The following PTPRA variants were observed in gnomAD, a reference collection of about 807,000 sequenced individuals.
PTPRA encodes protein tyrosine phosphatase receptor type A.
In PTPRA, 25 loss-of-function variants were observed where a neutral mutation model predicts 104.8. The ratio of observed to expected loss-of-function variants is 0.24; its 90% CI spans 0.17 to 0.33. The LOEUF (loss-of-function observed/expected upper bound fraction) is 0.33, where lower values mean the gene tolerates loss of function less well. Among genes scored for constraint, PTPRA ranks in the 10% least tolerant of loss-of-function variants. The pLI, the probability that PTPRA is intolerant of heterozygous loss-of-function variation, is 1.00. For synonymous variants in PTPRA, 323 were observed against 368.9 expected (o/e 0.88, Z 1.43); for missense variants, 765 against 1,015.3 (o/e 0.75, Z 3.35).
chr20:2,883,699 G>C (rs964269102), intron 1 of PTPRA, among the ~76,000 whole-genome samples: 1 of 150,196 alleles, frequency 6.7e-6, no homozygotes, highest in Non-Finnish European at 1.5e-5. Context: ...TGCAATGGTA[G>C]AGCGTTTTCC....
chr20:2,911,533 A>C (rs1426113513), intron 1 of PTPRA, among the ~76,000 whole-genome samples: 1 of 152,202 alleles, frequency 6.6e-6, no homozygotes, highest in Non-Finnish European at 1.5e-5. Flanking sequence ...TTGGCTTAAA[A>C]TATTGGAATG....
chr20:2,981,681 C>T (rs1396136667), intron 6 of PTPRA, among the ~76,000 whole-genome samples: 1 of 152,174 alleles, frequency 6.6e-6, no homozygotes, highest in East Asian at 1.9e-4. Context: ...AGATGGGAAG[C>T]CCCGCTTGTC....
chr20:2,872,053 A>G (rs1049421415), upstream of PTPRA, among the ~76,000 whole-genome samples: 4 of 152,198 alleles, frequency 2.6e-5, no homozygotes, highest in African/African-American at 9.7e-5. This position sits in a 1 kb window ranked among gnomAD's most constrained non-coding sequence, Gnocchi z 7.9. Flanking sequence ...TGGGGCACAG[A>G]GTCCCTAACT....
chr20:3,007,172 G>A (rs555894072), intron 10 of PTPRA, among the ~76,000 whole-genome samples, 172 bp from the exon 11 acceptor site: 65 of 152,112 alleles, frequency 4.3e-4, no homozygotes, highest in African/African-American at 1.5e-3. Context: ...GATACTTAAG[G>A]TATTCCCAAT....
rs573717889 is a variant in PTPRA at position 2,897,342 on chromosome 20, A to T, written c.-129+23582A>T. Reference sequence around the variant, plus strand: ...ATAGTGGTTGCTAGATGGTAAATTTAAAAAATTTCATTATTTCTTCTGAAT... The same window carrying T: ...ATAGTGGTTGCTAGATGGTAAATTTTAAAAATTTCATTATTTCTTCTGAAT... On this transcript the variant is annotated intron_variant, in intron 1 of 23. Transcript: ENST00000399903. Among the ~76,000 whole-genome samples the T allele has an allele frequency of 6.6e-5, 10 of 151,824 alleles. No individual in the cohort carries two copies. In the South Asian group the frequency reaches 1.7e-3, roughly 25 times the overall value.
intron 1 of PTPRA, among the ~76,000 whole-genome samples, chr20:2,909,110 G>T (rs1308030843): frequency 6.6e-6 from 1 of 152,098 alleles, no homozygotes; most frequent in African/African-American, 2.4e-5. Context: ...ATAATAACAT[G>T]TAAGTACCAT....
chr20:3,035,649 T>C lies in PTPRA; in HGVS notation c.1985T>C (p.Leu662Pro). The C allele has an allele frequency of 6.2e-7, 1 of 1,614,076 alleles. No individual in the cohort carries two copies. Among genetic ancestry groups the C allele is most frequent in the Non-Finnish European group, 8.5e-7 (1 of 1,179,964 alleles). ...TCCTATGGAGATATTACAGTGGAAC[T>C]GAAGAAGGAGGAGGAATGTGAGAGC... ...LVSYGDITVELKKEEECESYT... is the reference protein window; with the variant it reads ...LVSYGDITVEPKKEEECESYT... Residue 662 changes from leucine (L) to proline (P), a missense_variant, in exon 21 of 24, where the codon CTG becomes CCG. Leu to Pro is a moderately conservative substitution (Grantham distance 98). Coordinates refer to ENST00000399903, the MANE Select transcript of PTPRA (RefSeq NM_001385305.1). This position sits in a 1 kb window ranked among gnomAD's most constrained non-coding sequence, Gnocchi z 5.8.
At chr20:2,931,117 A>G (rs1367049432) in intron 2 of PTPRA, among the ~76,000 whole-genome samples, 1 of 152,106 alleles carries the variant, frequency 6.6e-6, no homozygotes, top group African/African-American at 2.4e-5. Flanking sequence ...CTCCCACTCA[A>G]GATATCCCAA....
At chr20:2,958,844 CAAAAAAAA>C (rs528139524) in intron 3 of PTPRA, among the ~76,000 whole-genome samples, 2 of 46,854 alleles carry the variant, frequency 4.3e-5, no homozygotes, top group Non-Finnish European at 4.4e-5. Context: ...GAGACTGTAT[CAAAAAAAA>C]AAAAAAAAAA....
chr20:3,003,238 TGTATCTAGCCCA>T (rs888116401), intron 9 of PTPRA, among the ~76,000 whole-genome samples: 18 of 152,366 alleles, frequency 1.2e-4, no homozygotes, highest in African/African-American at 4.3e-4. Flanking sequence ...CTCTTTGCTC[TGTATCTAGCCCA>T]GTGCCTGGTA....
At chr20:2,977,132 C>T (rs527641034) in intron 6 of PTPRA, among the ~76,000 whole-genome samples, 10 of 151,808 alleles carry the variant, frequency 6.6e-5, no homozygotes, top group South Asian at 6.3e-4. Context: ...AAAAATTAGC[C>T]GGGCGTGGTG....
chr20:2,951,123 G>C lies in PTPRA; in HGVS notation c.-7+3099G>C, dbSNP rs1376933415. Among the ~76,000 whole-genome samples the C allele has an allele frequency of 1.3e-5, 2 of 151,026 alleles. 1 individual carries two copies. The highest frequency in any genetic ancestry group is 1.3e-4 in the Admixed American group (2 of 15,164). ...TTCTTTCTTTCTTTTTTTTTTAGAC[G>C]GAGTCTCGCTTTGTCACCCAGGCTA... is the stretch of plus-strand genomic sequence containing the variant. On this transcript the variant is annotated intron_variant, in intron 3 of 23. Transcript: ENST00000399903.
At chr20:2,866,749 C>A in the PTPRA span, 1 of 972,700 alleles carries the variant, frequency 1.0e-6, no homozygotes, top group Non-Finnish European at 1.5e-6. Context: ...TTGTCTTACA[C>A]AGTCCAGCCT....
chr20:3,015,018 G>A (rs1455170500), intron 11 of PTPRA, among the ~76,000 whole-genome samples: 1 of 152,186 alleles, frequency 6.6e-6, no homozygotes, highest in African/African-American at 2.4e-5. Flanking sequence ...CCCACTGCCT[G>A]TGATAGAGAA....
chr20:2,925,969 G>A (rs1337751997), intron 2 of PTPRA, among the ~76,000 whole-genome samples: 1 of 152,110 alleles, frequency 6.6e-6, no homozygotes, highest in Non-Finnish European at 1.5e-5. Flanking sequence ...TCACCATGCT[G>A]TTTTTCACAG....
intron 3 of PTPRA, among the ~76,000 whole-genome samples, chr20:2,948,387 T>A (rs1337238774): frequency 6.6e-6 from 1 of 152,206 alleles, no homozygotes; most frequent in East Asian, 1.9e-4. Context: ...GTCTCTAGTA[T>A]CTGCTTTAGT....
At chr20:2,947,815 A>C (rs979351350) in intron 2 of PTPRA, among the ~76,000 whole-genome samples, 167 bp from the exon 3 acceptor site, 1 of 152,226 alleles carries the variant, frequency 6.6e-6, no homozygotes, top group East Asian at 1.9e-4. Flanking sequence ...GGTGACTTGC[A>C]GCCTAATTTT....
At chr20:3,004,659 T>G (rs917055677) in intron 9 of PTPRA, among the ~76,000 whole-genome samples, 1 of 152,208 alleles carries the variant, frequency 6.6e-6, no homozygotes, top group East Asian at 1.9e-4. Context: ...CTGAGATGCA[T>G]GTCATCTTTG....
intron 1 of PTPRA, among the ~76,000 whole-genome samples, chr20:2,911,031 C>T (rs1309201319): frequency 6.7e-6 from 1 of 149,900 alleles, no homozygotes; most frequent in Non-Finnish European, 1.5e-5. Context: ...GTTGGTATTA[C>T]AGGTATGAGC....
Sources: gnomAD v4.1 joint callset for allele counts (sites outside exome capture counted in the v4.1 genomes callset) on GRCh38, gnomAD v4.1.1 for gene constraint, Gnocchi (gnomAD v3.1) non-coding constraint, MANE v1.5 for transcripts, NCBI Gene and HGNC (gene_info 2026-07-23, HGNC 2026-07-21) for gene names.